The following RFESD variants were observed in gnomAD, a reference collection of about 807,000 sequenced individuals.
RFESD encodes the protein Rieske domain-containing protein.
RFESD carries 16 observed loss-of-function variants against 24.4 expected under a neutral mutation model. The ratio of observed to expected loss-of-function variants is 0.66; its 90% CI spans 0.44 to 1.00. RFESD has a LOEUF of 1.00. Among genes scored for constraint, RFESD ranks in the 50% least tolerant of loss-of-function variants. The pLI is 0.00. For missense variants in RFESD, 208 were observed against 247.0 expected (o/e 0.84, Z 1.06); for synonymous variants, 59 against 81.8 (o/e 0.72, Z 1.50).
At chr5:95,651,957 A>G (rs561561393) in intron 1 of RFESD, among the ~76,000 whole-genome samples, 180 bp from the exon 2 acceptor site, 35 of 152,302 alleles carry the variant, frequency 2.3e-4, no homozygotes, top group African/African-American at 8.2e-4. Context: ...TATAGGGAGT[A>G]AGTGAACTTA....
At chr5:95,648,474 C>T (rs1346774954) in intron 1 of RFESD, among the ~76,000 whole-genome samples, 6 of 151,984 alleles carry the variant, frequency 3.9e-5, no homozygotes, top group African/African-American at 1.5e-4. Flanking sequence ...AAGGTGAACA[C>T]GTGGGCTTTC....
rs1347391082 is a variant in RFESD at position 95,657,120 on chromosome 5, A to C, written c.*811A>C. 6.6e-6 allele frequency: 1 copy of C among 152,128 alleles called. No individual in the cohort carries two copies. The highest frequency in any genetic ancestry group is 6.6e-5 in the Admixed American group (1 of 15,264). 9.4% of individuals were successfully genotyped at this position (152,128 alleles called of 1,614,324 possible). On this transcript the variant is annotated 3_prime_UTR_variant, in exon 6 of 6. Transcript: ENST00000380005. ...CTTTGAATGCCTATATGAAATTTTC[A>C]AATAAAGATTTTTAAAAACGTTTTA...
intron 2 of RFESD, chr5:95,652,543 T>C (rs896177675): frequency 5.5e-6 from 3 of 540,638 alleles, no homozygotes; most frequent in South Asian, 5.3e-5. Flanking sequence ...CCTCACAGTC[T>C]TTGGCACTAC....
At chr5:95,651,259 T>G (rs1750322884) in intron 1 of RFESD, among the ~76,000 whole-genome samples, 1 of 152,200 alleles carries the variant, frequency 6.6e-6, no homozygotes, top group Middle Eastern at 3.2e-3. Flanking sequence ...TTACTATATT[T>G]GAAGAAGGTG....
intron 5 of RFESD, 114 bp from the exon 6 acceptor site, chr5:95,655,932 A>G (rs1054426557): frequency 6.6e-5 from 62 of 942,468 alleles, no homozygotes; most frequent in Admixed American, 1.6e-4. Context: ...CATAGGAGGA[A>G]AAAAAGAAAA....
At chr5:95,651,602 G>A (rs1472268529) in intron 1 of RFESD, among the ~76,000 whole-genome samples, 1 of 152,086 alleles carries the variant, frequency 6.6e-6, no homozygotes, top group African/African-American at 2.4e-5. Context: ...GTCTCAGTAT[G>A]TTGCCTAGGC....
intron 2 of RFESD, chr5:95,652,739 A>G (rs1194413535): frequency 4.0e-6 from 1 of 250,548 alleles, no homozygotes; most frequent in Non-Finnish European, 7.6e-6. Flanking sequence ...CCTGGCACAT[A>G]GTTAACACAA....
intron 5 of RFESD, chr5:95,655,280 A>T (rs952676398): frequency 6.6e-6 from 1 of 152,244 alleles, no homozygotes; most frequent in African/African-American, 2.4e-5. Context: ...AGTACAAATC[A>T]GTATTCCTGC....
At chr5:95,655,898 C>A in intron 5 of RFESD, 148 bp from the exon 6 acceptor site, 1 of 654,988 alleles carries the variant, frequency 1.5e-6, no homozygotes, top group Non-Finnish European at 2.6e-6. Context: ...AGATTAGGAT[C>A]TGCTTTATGC....
rs1297938245 is a variant in RFESD at position 95,652,220 on chromosome 5, G to T, written c.-52G>T. ...ATTTCATTTGATTAGCAATAGATTG[G>T]ACACTCTACTGATCTTGCCTCTCTA... On this transcript the variant is annotated 5_prime_UTR_variant, in exon 2 of 6. Transcript: ENST00000380005. The T allele has an allele frequency of 2.0e-6, 3 of 1,523,140 alleles. No homozygotes were observed. The highest frequency in any genetic ancestry group is 1.3e-5 in the South Asian group (1 of 79,256). The allele number at this position is 1,523,140 out of a possible 1,614,324, so 94.4% of individuals were successfully genotyped here. A position where few individuals can be genotyped will look rare whatever the true frequency, so the allele number is the denominator to read the frequency against.
intron 1 of RFESD, among the ~76,000 whole-genome samples, chr5:95,650,302 T>G (rs961475571): frequency 3.3e-5 from 5 of 152,230 alleles, no homozygotes; most frequent in East Asian, 3.8e-4. Flanking sequence ...TTTCTAAGTT[T>G]GATGTGTGTA....
chr5:95,647,136 C>G (rs1393825230), intron 1 of RFESD: 1 of 152,182 alleles, frequency 6.6e-6, no homozygotes, highest in Non-Finnish European at 1.5e-5. Flanking sequence ...AGAAGCTGCT[C>G]CAGGGCTTCC....
intron 1 of RFESD, 68 bp downstream of exon 1, chr5:95,646,885 C>T (rs1451928880): frequency 6.6e-6 from 1 of 152,476 alleles, no homozygotes; most frequent in Non-Finnish European, 1.5e-5. Context: ...GGGCTGCGGG[C>T]GTGGACTCCT....
chr5:95,651,425 C>CA (rs1750332601), intron 1 of RFESD, among the ~76,000 whole-genome samples: 1 of 152,154 alleles, frequency 6.6e-6, no homozygotes, highest in Admixed American at 6.5e-5. Flanking sequence ...GACAGGGTCT[C>CA]ACTCTGTTGC....
intron 3 of RFESD, among the ~76,000 whole-genome samples, chr5:95,653,647 C>G (rs1750506167): frequency 6.6e-6 from 1 of 152,108 alleles, no homozygotes; most frequent in African/African-American, 2.4e-5. Context: ...GCCTGTAATC[C>G]CAGCACTTTG....
rs1426877091 is a variant in RFESD, at chr5:95,656,273, C to T, written c.597C>T (p.Ala199=). The change falls in exon 6 of 6, where the codon GCC becomes GCT. Residue 199 remains alanine (A), a synonymous_variant. Coordinates refer to ENST00000380005, the MANE Select transcript of RFESD (RefSeq NM_001131066.2). Reference sequence around the variant, plus strand: ...TTAAGTGTGACTCTGATTTTTATGCCACTGGAGACTTCAAAGTAATTAAGA... The same window carrying T: ...TTAAGTGTGACTCTGATTTTTATGCTACTGGAGACTTCAAAGTAATTAAGA... The part of the protein sequence containing the change: ...EPFKCDSDFY[A]TGDFKVIKSS... 6.2e-7 allele frequency: 1 copy of T among 1,612,270 alleles called. No individual in the cohort carries two copies. The highest frequency in any genetic ancestry group is 1.3e-5 in the African/African-American group (1 of 74,824).
intron 4 of RFESD, 45 bp downstream of exon 4, chr5:95,654,281 A>T: frequency 1.2e-6 from 2 of 1,608,286 alleles, no homozygotes; most frequent in South Asian, 1.1e-5. Context: ...CCATGAAACT[A>T]TCAAAATTTC....
chr5:95,657,907 C>T lies in RFESD; in HGVS notation c.*1598C>T, dbSNP rs955110074. On this transcript the variant is annotated 3_prime_UTR_variant, in exon 6 of 6. Transcript: ENST00000380005. ...ACACATGTCCAGAATATAAAGTGTA[C>T]AGAAGAAATCAAAGTACTTTCTTCA... 10 of 150,736 alleles carry T rather than the reference C, an allele frequency of 6.6e-5. 1 individual carries two copies. The highest frequency in any genetic ancestry group is 5.3e-4 in the Admixed American group (8 of 15,096). The allele number at this position is 150,736 out of a possible 1,614,324, so 9.3% of individuals were successfully genotyped here.
At chr5:95,651,914 C>T (rs567665984) in intron 1 of RFESD, among the ~76,000 whole-genome samples, 1 of 152,168 alleles carries the variant, frequency 6.6e-6, no homozygotes, top group East Asian at 1.9e-4. Flanking sequence ...TACTTGGATA[C>T]TAATCAGTAT....
Sources: allele counts gnomAD v4.1 joint callset (sites outside exome capture counted in the v4.1 genomes callset), GRCh38; gene constraint gnomAD v4.1.1; transcripts MANE v1.5; gene names NCBI Gene and HGNC (gene_info 2026-07-23, HGNC 2026-07-21).